Variants in NT5DC1 observed in about 807,000 individuals in gnomAD.
The protein encoded by NT5DC1 is 5'-nucleotidase domain containing 1.
Under a neutral mutation model 59.4 loss-of-function variants are expected in NT5DC1, and 42 were observed. The ratio of observed to expected loss-of-function variants is 0.71; its 90% CI spans 0.55 to 0.92. The LOEUF is 0.92. Ranked by LOEUF, NT5DC1 falls within the 40% of genes least tolerant of loss-of-function variation. The pLI is 0.00. For synonymous variants in NT5DC1, 172 were observed against 188.1 expected, an observed-to-expected ratio of 0.91 and a Z score of 0.70; for missense variants, 501 against 537.1, an observed-to-expected ratio of 0.93 and a Z score of 0.66.
chr6:116,100,873 C>T lies in NT5DC1; in HGVS notation c.-58C>T, dbSNP rs1197682442. 12 of 1,355,188 alleles carry T rather than the reference C, an allele frequency of 8.9e-6. No individual in the cohort carries two copies. The highest frequency in any genetic ancestry group is 1.5e-5 in the African/African-American group (1 of 66,166). 83.9% of individuals were successfully genotyped at this position (1,355,188 alleles called of 1,614,324 possible). On this transcript the variant is annotated 5_prime_UTR_variant, in exon 1 of 12. Transcript: ENST00000319550. ...CCGGTCCTGTCCCGCAGCGTCCCGC[C>T]AGCCAGCTCCTTGCACCCTTCGCGG...
chr6:116,209,354 G>A (rs1465955324), intron 6 of NT5DC1, among the ~76,000 whole-genome samples: 1 of 151,940 alleles, frequency 6.6e-6, no homozygotes, highest in Non-Finnish European at 1.5e-5. Flanking sequence ...AGTCTTGCCT[G>A]GTAGCTTTTT....
Position 116,236,819 on chromosome 6 carries a change from T to G in NT5DC1, c.803-147T>G. On this transcript the variant is annotated intron_variant, in intron 8 of 11. Coordinates refer to ENST00000319550, the MANE Select transcript of NT5DC1 (RefSeq NM_152729.3). ...AAAGTATATACCTATAAGGGCCTTA[T>G]AATATGTAGGTACCACTGAATGTCA... The G allele has an allele frequency of 6.6e-6, 4 of 603,196 alleles. No homozygotes were observed. In the East Asian group the frequency reaches 1.1e-4, roughly 17 times the overall value. 37.4% of individuals were successfully genotyped at this position (603,196 alleles called of 1,614,324 possible).
chr6:116,177,393 T>C (rs907377246), intron 6 of NT5DC1, among the ~76,000 whole-genome samples: 1 of 152,192 alleles, frequency 6.6e-6, no homozygotes, highest in Admixed American at 6.5e-5. Context: ...ATTTTTGTGA[T>C]TGAAACTCAC....
At chr6:116,221,023 GAAA>G (rs113132695) in intron 6 of NT5DC1, 28 bp from the exon 7 acceptor site, 3 of 1,093,788 alleles carry the variant, frequency 2.7e-6, no homozygotes, top group African/African-American at 1.6e-5. Context: ...TGTTTAAAAA[GAAA>G]AACCTCATTG....
chr6:116,105,542 CA>C, intron 1 of NT5DC1, among the ~76,000 whole-genome samples: 1 of 152,272 alleles, frequency 6.6e-6, no homozygotes, highest in South Asian at 2.1e-4. Flanking sequence ...ACCTTTTGTG[CA>C]CTTTTTGTTT....
At chr6:116,209,063 A>G (rs1429737216) in intron 6 of NT5DC1, among the ~76,000 whole-genome samples, 2 of 152,022 alleles carry the variant, frequency 1.3e-5, no homozygotes, top group Non-Finnish European at 2.9e-5. Flanking sequence ...TCTTAAATTG[A>G]TGATTTTATT....
intron 6 of NT5DC1, chr6:116,125,584 T>A (rs1432797000): frequency 1.5e-5 from 20 of 1,306,574 alleles, no homozygotes; most frequent in Non-Finnish European, 2.2e-5. Flanking sequence ...CACAGATGAG[T>A]TCTTTATACA....
intron 6 of NT5DC1, among the ~76,000 whole-genome samples, chr6:116,154,367 ACCCAGTTTCCCCTC>A (rs1780127646): frequency 6.6e-6 from 1 of 152,126 alleles, no homozygotes; most frequent in Admixed American, 6.6e-5. Flanking sequence ...GTCCATGGTC[ACCCAGTTTCCCCTC>A]AGAAGGAGAC....
chr6:116,234,863 T>A (rs1232295433), intron 8 of NT5DC1, among the ~76,000 whole-genome samples: 1 of 152,184 alleles, frequency 6.6e-6, no homozygotes, highest in African/African-American at 2.4e-5. Flanking sequence ...CAGGAATTAA[T>A]AATTCTCTGA....
intron 6 of NT5DC1, among the ~76,000 whole-genome samples, chr6:116,161,452 A>G (rs1048142811): frequency 5.9e-5 from 9 of 152,126 alleles, no homozygotes; most frequent in Non-Finnish European, 1.0e-4. Context: ...ATTCTTCTGT[A>G]TATAGATAGC....
chr6:116,202,447 A>G (rs139385775), intron 6 of NT5DC1, among the ~76,000 whole-genome samples: 6 of 152,096 alleles, frequency 3.9e-5, no homozygotes, highest in Non-Finnish European at 5.9e-5. Context: ...CGAGGAAACA[A>G]TGATCCCATA....
intron 6 of NT5DC1, among the ~76,000 whole-genome samples, chr6:116,166,385 G>C (rs1179993475): frequency 6.6e-6 from 1 of 152,142 alleles, no homozygotes; most frequent in Non-Finnish European, 1.5e-5. Context: ...TGGATATTCA[G>C]TTCTAATTAA....
At chr6:116,192,919 G>A (rs953434496) in intron 6 of NT5DC1, among the ~76,000 whole-genome samples, 7 of 152,014 alleles carry the variant, frequency 4.6e-5, no homozygotes, top group African/African-American at 1.4e-4. Context: ...GTCCTGACTG[G>A]TCTCTGGTTT....
intron 6 of NT5DC1, 96 bp downstream of exon 6, chr6:116,118,041 A>C (rs138513989): frequency 1.6e-5 from 12 of 740,094 alleles, no homozygotes; most frequent in Middle Eastern, 4.6e-4. Context: ...TGTGTATCTT[A>C]CTTAGGATTT....
At position 116,173,674 on chromosome 6, in the gene NT5DC1, T is replaced by G. The variant is rs191409853; in HGVS notation, c.530-47380T>G. Reference sequence around the variant, plus strand: ...CTGCACATATTATTTTTGTAATTTATTTATTTATTTTTTTGGTTGTCTTAT... The same window carrying G: ...CTGCACATATTATTTTTGTAATTTAGTTATTTATTTTTTTGGTTGTCTTAT... On this transcript the variant is annotated intron_variant, in intron 6 of 11. Transcript: ENST00000319550. Among the ~76,000 whole-genome samples, 519 of 152,324 alleles carry G rather than the reference T, an allele frequency of 3.4e-3. 15 individuals carry two copies. The South Asian group carries it at 0.046, about 14-fold the overall frequency.
intron 6 of NT5DC1, among the ~76,000 whole-genome samples, chr6:116,178,361 T>C (rs1229278590): frequency 6.6e-6 from 1 of 152,160 alleles, no homozygotes; most frequent in Admixed American, 6.5e-5. Flanking sequence ...CTGAACTCTT[T>C]AACTTGAAGT....
At chr6:116,142,039 G>A (rs1779780136) in intron 6 of NT5DC1, among the ~76,000 whole-genome samples, 1 of 151,884 alleles carries the variant, frequency 6.6e-6, no homozygotes. Context: ...TTACTTCTGA[G>A]TTTCATTTAA....
chr6:116,142,788 A>C (rs1262842392), intron 6 of NT5DC1, among the ~76,000 whole-genome samples: 2 of 152,228 alleles, frequency 1.3e-5, no homozygotes, highest in East Asian at 3.8e-4. Flanking sequence ...TGTCTGGCTC[A>C]GACTGAAGAT....
chr6:116,199,999 TG>T lies in NT5DC1; in HGVS notation c.530-21047del, dbSNP rs57087378. Among the ~76,000 whole-genome samples the T allele has an allele frequency of 1.5e-4, 17 of 115,462 alleles. 1 individual carries two copies. The highest frequency in any genetic ancestry group is 1.1e-3 in the South Asian group (5 of 4,404). The allele number at this position is 115,462 out of a possible 152,430, so 75.7% of individuals were successfully genotyped here. A position where few individuals can be genotyped will look rare whatever the true frequency, so the allele number is the denominator to read the frequency against. On this transcript the variant is annotated intron_variant, in intron 6 of 11. Transcript: ENST00000319550. Reference sequence around the variant, plus strand: ...CTTACAAAGAGTACAGTATGGAAAGTGGGGGGGGAAGAGTAACTTTGCAGTG... The same window carrying T: ...CTTACAAAGAGTACAGTATGGAAAGTGGGGGGGAAGAGTAACTTTGCAGTG...
Sources: gnomAD v4.1 joint callset for allele counts (sites outside exome capture counted in the v4.1 genomes callset) on GRCh38, gnomAD v4.1.1 for gene constraint, MANE v1.5 for transcripts, NCBI Gene and HGNC (gene_info 2026-07-23, HGNC 2026-07-21) for gene names.